RAB38: variants seen among roughly 807,000 people sequenced by gnomAD.
The protein encoded by RAB38 is ras-related protein Rab-38.
A neutral mutation model predicts 18.4 loss-of-function variants in RAB38; 15 were observed. The observed-to-expected ratio is 0.82, with a 90% confidence interval of 0.55 to 1.26. The LOEUF is 1.26. RAB38 is among the 50% of genes most tolerant of loss of function. The pLI is 0.00. For synonymous variants in RAB38, 101 were observed against 104.4 expected, an observed-to-expected ratio of 0.97 and a Z score of 0.20; for missense variants, 294 against 267.4, an observed-to-expected ratio of 1.10 and a Z score of -0.69.
the RAB38 span, among the ~76,000 whole-genome samples, chr11:87,962,851 TTAAC>T: frequency 6.6e-6 from 1 of 152,194 alleles, no homozygotes; most frequent in African/African-American, 2.4e-5. Context: ...GATGGACGTA[TTAAC>T]TAGCTTGATT....
the RAB38 span, among the ~76,000 whole-genome samples, chr11:88,102,749 G>T: frequency 6.6e-6 from 1 of 152,026 alleles, no homozygotes; most frequent in Non-Finnish European, 1.5e-5. Context: ...CCCTTGCTCT[G>T]AAACTTCCTC....
chr11:88,084,175 C>T, the RAB38 span, among the ~76,000 whole-genome samples: 1 of 151,726 alleles, frequency 6.6e-6, no homozygotes, highest in Non-Finnish European at 1.5e-5. Flanking sequence ...AATGCAAGTC[C>T]TGAAGCCTAG....
chr11:88,090,670 G>A, the RAB38 span, among the ~76,000 whole-genome samples: 1 of 151,942 alleles, frequency 6.6e-6, no homozygotes, highest in Non-Finnish European at 1.5e-5. Context: ...ACCCTAGGGT[G>A]GGCCCACAGT....
the RAB38 span, among the ~76,000 whole-genome samples, chr11:88,057,961 C>T: frequency 1.2e-4 from 19 of 152,208 alleles, no homozygotes; most frequent in African/African-American, 4.3e-4. Flanking sequence ...AAAATCCCTG[C>T]ATCAGCTAGA....
the RAB38 span, among the ~76,000 whole-genome samples, chr11:87,811,166 G>A: frequency 1.3e-5 from 2 of 152,154 alleles, no homozygotes; most frequent in Admixed American, 6.5e-5. Flanking sequence ...GCGTGTCTAC[G>A]AAATTGTACA....
At chr11:87,924,547 G>A in the RAB38 span, among the ~76,000 whole-genome samples, 4 of 151,960 alleles carry the variant, frequency 2.6e-5, no homozygotes, top group African/African-American at 9.7e-5. Context: ...GGTGGGAGAC[G>A]ACCTTATTAT....
chr11:87,884,720 A>T, the RAB38 span, among the ~76,000 whole-genome samples: 1 of 151,914 alleles, frequency 6.6e-6, no homozygotes, highest in Non-Finnish European at 1.5e-5. Context: ...CAAAAAAGGG[A>T]TATCAAAATC....
chr11:87,830,031 CT>C, the RAB38 span, among the ~76,000 whole-genome samples: 19 of 152,220 alleles, frequency 1.2e-4, no homozygotes, highest in East Asian at 3.5e-3. Flanking sequence ...GTCAGTACTC[CT>C]TTGAATCAAT....
At chr11:87,844,125 T>A in the RAB38 span, among the ~76,000 whole-genome samples, 8 of 152,220 alleles carry the variant, frequency 5.3e-5, no homozygotes, top group African/African-American at 1.9e-4. Flanking sequence ...CGTTTTGCAT[T>A]ATGCTCTGTA....
chr11:88,142,822 G>A (rs1173205353), intron 2 of RAB38, among the ~76,000 whole-genome samples: 1 of 152,216 alleles, frequency 6.6e-6, no homozygotes, highest in Non-Finnish European at 1.5e-5. Context: ...ACGGCTAGAC[G>A]AAAAGTATAT....
At chr11:88,036,809 A>T in the RAB38 span, among the ~76,000 whole-genome samples, 2 of 152,018 alleles carry the variant, frequency 1.3e-5, no homozygotes, top group South Asian at 4.2e-4. Flanking sequence ...ACATTAATAG[A>T]TTTCTTAATA....
chr11:88,080,872 AG>A, the RAB38 span, among the ~76,000 whole-genome samples: 1 of 139,610 alleles, frequency 7.2e-6, no homozygotes, highest in African/African-American at 2.6e-5. Context: ...GGAGGGAGGG[AG>A]GGAGGAAGAG....
At chr11:87,946,217 G>GGAAA in the RAB38 span, among the ~76,000 whole-genome samples, 1 of 152,144 alleles carries the variant, frequency 6.6e-6, no homozygotes, top group South Asian at 2.1e-4. Context: ...GCTGAGACTG[G>GGAAA]GAAAGAATGT....
chr11:87,817,442 A>C, the RAB38 span: 1 of 152,204 alleles, frequency 6.6e-6, no homozygotes, highest in Admixed American at 6.5e-5. Flanking sequence ...TTTAAGCAGC[A>C]TCATTTGTTT....
At chr11:87,844,256 G>C in the RAB38 span, among the ~76,000 whole-genome samples, 3 of 152,094 alleles carry the variant, frequency 2.0e-5, no homozygotes, top group Non-Finnish European at 4.4e-5. Context: ...AACATACAAG[G>C]ATAGTAATTC....
chr11:88,153,126 G>T (rs34461095), intron 1 of RAB38, among the ~76,000 whole-genome samples: 2 of 152,096 alleles, frequency 1.3e-5, no homozygotes. Flanking sequence ...AAGTCAGAAG[G>T]CATGGTCTTA....
chr11:87,893,390 A>ATATATTTT, the RAB38 span, among the ~76,000 whole-genome samples: 3 of 93,916 alleles, frequency 3.2e-5, no homozygotes, highest in African/African-American at 7.4e-5. Flanking sequence ...ATATATATAT[A>ATATATTTT]TTTTTTTTTT....
chr11:88,122,540 A>C (rs2134781331), intron 2 of RAB38, among the ~76,000 whole-genome samples: 1 of 152,346 alleles, frequency 6.6e-6, no homozygotes, highest in East Asian at 1.9e-4. Flanking sequence ...GCTAACAATT[A>C]TTGAACACTT....
At chr11:87,842,567 G>C in the RAB38 span, among the ~76,000 whole-genome samples, 1 of 152,108 alleles carries the variant, frequency 6.6e-6, no homozygotes, top group African/African-American at 2.4e-5. Flanking sequence ...TTTTAAAATT[G>C]TGCTTATCCG....
Sources: gnomAD v4.1 joint callset for allele counts (sites outside exome capture counted in the v4.1 genomes callset) on GRCh38, gnomAD v4.1.1 for gene constraint, MANE v1.5 for transcripts, NCBI Gene and HGNC (gene_info 2026-07-23, HGNC 2026-07-21) for gene names.